Variants in CAPZA1 observed in about 807,000 individuals in gnomAD.
The protein encoded by CAPZA1 is capping actin protein of muscle Z-line subunit alpha 1, also known as F-actin-capping protein subunit alpha-1.
In CAPZA1, 10 loss-of-function variants were observed where a neutral mutation model predicts 40.8. The ratio of observed to expected loss-of-function variants is 0.25; its 90% CI spans 0.15 to 0.42. The LOEUF is 0.42. Ranked by LOEUF, CAPZA1 falls within the 10% of genes least tolerant of loss-of-function variation. The probability of loss-of-function intolerance (pLI) is 1.00; values close to 1 mark genes in which losing one functional copy is unlikely to be tolerated. For synonymous variants in CAPZA1, 98 were observed against 115.0 expected, an observed-to-expected ratio of 0.85 and a Z score of 0.95; for missense variants, 277 against 353.8, an observed-to-expected ratio of 0.78 and a Z score of 1.74.
intron 1 of CAPZA1, among the ~76,000 whole-genome samples, chr1:112,622,825 ATGT>A (rs970340030): frequency 6.6e-6 from 1 of 152,120 alleles, no homozygotes; most frequent in Non-Finnish European, 1.5e-5. Context: ...GCAGTAGAAA[ATGT>A]TGTAAATAGA....
chr1:112,670,251 G>T lies in CAPZA1; in HGVS notation c.*119G>T. On this transcript the variant is annotated 3_prime_UTR_variant, in exon 10 of 10. Coordinates refer to ENST00000263168, the MANE Select transcript of CAPZA1 (RefSeq NM_006135.3). ...TTGCTAGGGCTTTCAAAGTTAACCG[G>T]TTTTCTAGCCTCATGGAATACTGTT... 5 of 1,140,630 alleles carry T rather than the reference G, an allele frequency of 4.4e-6. No homozygotes were observed. The highest frequency in any genetic ancestry group is 6.3e-6 in the Non-Finnish European group (5 of 793,994). 70.7% of individuals were successfully genotyped at this position (1,140,630 alleles called of 1,614,324 possible).
intron 3 of CAPZA1, chr1:112,649,976 A>G (rs1052244144): frequency 7.2e-5 from 11 of 152,452 alleles, no homozygotes; most frequent in Admixed American, 6.5e-4. Context: ...GCCTTCAAAA[A>G]TATTACGGTG....
At chr1:112,649,769 T>A (rs1305057245) in intron 3 of CAPZA1, 2 of 382,848 alleles carry the variant, frequency 5.2e-6, no homozygotes, top group Non-Finnish European at 9.3e-6. Context: ...TCGTGTTGAA[T>A]TTTTTTAAAC....
At chr1:112,656,466 T>TTTTTTTTTATTTC (rs1553180448) in intron 5 of CAPZA1, among the ~76,000 whole-genome samples, 1 of 94,336 alleles carries the variant, frequency 1.1e-5, no homozygotes, top group Non-Finnish European at 2.2e-5. Flanking sequence ...TTTTTTTTTT[T>TTTTTTTTTATTTC]AATGAGAATA....
At chr1:112,649,522 A>T in intron 3 of CAPZA1, 53 bp downstream of exon 3, 1 of 1,366,592 alleles carries the variant, frequency 7.3e-7, no homozygotes, top group Non-Finnish European at 1.0e-6. Context: ...TGGATAAACT[A>T]TGTTGACAGT....
At chr1:112,651,898 C>G (rs1484562142) in intron 3 of CAPZA1, among the ~76,000 whole-genome samples, 1 of 151,678 alleles carries the variant, frequency 6.6e-6, no homozygotes, top group African/African-American at 2.4e-5. Context: ...GGTGGATCAC[C>G]TGAGGTCAGG....
At chr1:112,667,447 C>T (rs1671745359) in intron 8 of CAPZA1, among the ~76,000 whole-genome samples, 1 of 152,158 alleles carries the variant, frequency 6.6e-6, no homozygotes, top group Non-Finnish European at 1.5e-5. Context: ...GAAAGTTTAC[C>T]AAACTGCATC....
At chr1:112,647,086 G>C (rs890416321) in intron 1 of CAPZA1, 124 bp from the exon 2 acceptor site, 11 of 469,304 alleles carry the variant, frequency 2.3e-5, no homozygotes, top group African/African-American at 1.4e-4. Context: ...CTCCTAAACA[G>C]TAAATGTTTA....
intron 1 of CAPZA1, among the ~76,000 whole-genome samples, chr1:112,644,006 G>A (rs1009746795): frequency 3.3e-5 from 5 of 150,828 alleles, no homozygotes; most frequent in Admixed American, 6.6e-5. Flanking sequence ...CACCATGCCC[G>A]GCTAAGTTTT....
intron 7 of CAPZA1, among the ~76,000 whole-genome samples, chr1:112,665,967 C>T (rs1366064733): frequency 6.6e-6 from 1 of 152,136 alleles, no homozygotes; most frequent in Non-Finnish European, 1.5e-5. Context: ...TAAAACATTC[C>T]TTTTCCCGTG....
rs1671464437 is a variant in CAPZA1 at position 112,654,690 on chromosome 1, T to G, written c.426+19T>G. 6.6e-7 allele frequency: 1 copy of G among 1,516,786 alleles called. No homozygotes were observed. The highest frequency in any genetic ancestry group is 1.9e-5 in the Admixed American group (1 of 51,660). The allele number at this position is 1,516,786 out of a possible 1,614,324, so 94.0% of individuals were successfully genotyped here. A position where few individuals can be genotyped will look rare whatever the true frequency, so the allele number is the denominator to read the frequency against. On this transcript the variant is annotated intron_variant, in intron 5 of 9. Transcript: ENST00000263168. Reference sequence around the variant, plus strand: ...CTGTACTGTTAAGTATCTGACTGCTTCGTTATCAGAGAGTGTTTTCTTATA... The same window carrying G: ...CTGTACTGTTAAGTATCTGACTGCTGCGTTATCAGAGAGTGTTTTCTTATA...
rs191785194 is a variant in CAPZA1 at position 112,643,229 on chromosome 1, C to T, written c.40-3981C>T. On this transcript the variant is annotated intron_variant, in intron 1 of 9. Coordinates refer to ENST00000263168, the MANE Select transcript of CAPZA1 (RefSeq NM_006135.3). ...ATATAGATAGAAATCTTTATTGTAA[C>T]GGTTAGTCCTATGTAGCATAATTTT... 3.2e-4 allele frequency among the ~76,000 whole-genome samples: 49 copies of T among 152,168 alleles called. 1 individual carries two copies. The Middle Eastern group carries it at 0.017, about 53-fold the overall frequency.
At position 112,670,618 on chromosome 1, in the gene CAPZA1, CCTT is replaced by C. The variant is rs1279868451; in HGVS notation, c.*489_*491del. The C allele has an allele frequency of 6.5e-6, 1 of 152,790 alleles. No individual in the cohort carries two copies. The highest frequency in any genetic ancestry group is 2.4e-5 in the African/African-American group (1 of 41,450). 9.5% of individuals were successfully genotyped at this position (152,790 alleles called of 1,614,324 possible). A position where few individuals can be genotyped will look rare whatever the true frequency, so the allele number is the denominator to read the frequency against. Reference sequence around the variant, plus strand: ...CTAGCTAAATGGAAGACACATTCATCCTTCTCCCTCTGACTGCTTTGATCATCA... The same window carrying C: ...CTAGCTAAATGGAAGACACATTCATCCTCCCTCTGACTGCTTTGATCATCA... On this transcript the variant is annotated 3_prime_UTR_variant, in exon 10 of 10. Coordinates refer to ENST00000263168, the MANE Select transcript of CAPZA1 (RefSeq NM_006135.3).
At chr1:112,651,205 G>C (rs1187428659) in intron 3 of CAPZA1, among the ~76,000 whole-genome samples, 1 of 152,196 alleles carries the variant, frequency 6.6e-6, no homozygotes, top group Non-Finnish European at 1.5e-5. Context: ...ACCATCCCCA[G>C]ATAATTCCAG....
intron 6 of CAPZA1, chr1:112,659,489 G>C: frequency 1.8e-6 from 1 of 552,388 alleles, no homozygotes; most frequent in Non-Finnish European, 3.2e-6. Context: ...AAATAACTTA[G>C]AAAAGGCTTA....
chr1:112,633,028 A>C (rs1322787659), intron 1 of CAPZA1, among the ~76,000 whole-genome samples: 2 of 152,236 alleles, frequency 1.3e-5, no homozygotes, highest in African/African-American at 2.4e-5. Flanking sequence ...GTGTATCTCC[A>C]GGTCTCAGCT....
chr1:112,644,290 A>T (rs1215091429), intron 1 of CAPZA1, among the ~76,000 whole-genome samples: 1 of 134,882 alleles, frequency 7.4e-6, no homozygotes, highest in Non-Finnish European at 1.5e-5. Context: ...TTCCGGGTTG[A>T]GGTGATTCTC....
chr1:112,647,272 T>G lies in CAPZA1; in HGVS notation c.102T>G (p.Asn34Lys). Reference sequence around the variant, plus strand: ...CAGGGGAATTTAATGAAGTATTCAATGGTGAGTAAAGATTAGTATTTTAAT... The same window carrying G: ...CAGGGGAATTTAATGAAGTATTCAAGGGTGAGTAAAGATTAGTATTTTAAT... The part of the protein sequence containing the change: ...APPGEFNEVF[N>K]DVRLLLNNDN... Residue 34 changes from asparagine to lysine, a missense_variant and splice_region_variant, in exon 2 of 10, where the codon AAT becomes AAG. Transcript: ENST00000263168. 1 of 1,485,954 alleles carries G rather than the reference T, an allele frequency of 6.7e-7. No homozygotes were observed. 92.0% of individuals were successfully genotyped at this position (1,485,954 alleles called of 1,614,324 possible).
At chr1:112,622,269 T>C (rs765556883) in intron 1 of CAPZA1, among the ~76,000 whole-genome samples, 2 of 152,202 alleles carry the variant, frequency 1.3e-5, no homozygotes, top group Non-Finnish European at 2.9e-5. Context: ...TCATAACTGC[T>C]GAAGTTTTTT....
Sources: gnomAD v4.1 joint callset for allele counts (sites outside exome capture counted in the v4.1 genomes callset) on GRCh38, gnomAD v4.1.1 for gene constraint, MANE v1.5 for transcripts, NCBI Gene and HGNC (gene_info 2026-07-23, HGNC 2026-07-21) for gene names.